The following GPC3 variants were observed in gnomAD, a reference collection of about 807,000 sequenced individuals.
GPC3 encodes glypican-3.
In GPC3, 3 loss-of-function variants were observed where a neutral mutation model predicts 34.4. That is an observed-to-expected ratio of 0.09 (90% CI 0.04 to 0.23). The LOEUF is 0.23. Ranked by LOEUF, GPC3 falls within the 10% of genes least tolerant of loss-of-function variation. The pLI is 1.00. For synonymous variants in GPC3, 177 were observed against 174.0 expected (o/e 1.02, Z -0.13); for missense variants, 351 against 445.6 (o/e 0.79, Z 1.91).
At chrX:133,885,215 C>T (rs774419638) in intron 2 of GPC3, among the ~76,000 whole-genome samples, 1 of 112,100 alleles carries the variant, frequency 8.9e-6, no homozygotes, top group African/African-American at 3.2e-5. Flanking sequence ...TAACAATTCA[C>T]TGCAGCACTG....
intron 1 of GPC3, among the ~76,000 whole-genome samples, chrX:133,964,262 G>C (rs1311937102): frequency 1.8e-5 from 2 of 111,812 alleles, no homozygotes; most frequent in Non-Finnish European, 3.8e-5. Flanking sequence ...AAAAAGGAAG[G>C]CTTTTGCTTC....
intron 2 of GPC3, among the ~76,000 whole-genome samples, chrX:133,885,949 G>A (rs1298440554): frequency 9.0e-6 from 1 of 111,189 alleles, no homozygotes; most frequent in Non-Finnish European, 1.9e-5. Flanking sequence ...ATGTACTGAA[G>A]AGAAGAAAAA....
rs1048734112 is a variant in GPC3 at position 133,607,654 on chromosome X, A to T, written c.1414-11055T>A. Among the ~76,000 whole-genome samples the T allele has an allele frequency of 9.2e-4, 103 of 112,326 alleles. 5 individuals carry two copies. Among genetic ancestry groups the T allele is most frequent in the Non-Finnish European group, 1.9e-4 (10 of 53,261 alleles). On this transcript the variant is annotated intron_variant, in intron 6 of 7. Coordinates refer to ENST00000370818, the MANE Select transcript of GPC3 (RefSeq NM_004484.4). ...TGTTTTCCTGGTATGGTAATAGCTG[A>T]TTCCTGCCAGGGAGCCCTGATTCCA...
intron 3 of GPC3, among the ~76,000 whole-genome samples, chrX:133,744,036 G>A (rs960460860): frequency 1.8e-5 from 2 of 111,878 alleles, no homozygotes; most frequent in East Asian, 2.8e-4. Flanking sequence ...AGACTTAAAC[G>A]TAAAACCTAA....
intron 6 of GPC3, among the ~76,000 whole-genome samples, chrX:133,641,609 AG>A (rs1289446920): frequency 9.0e-6 from 1 of 111,691 alleles, no homozygotes; most frequent in Non-Finnish European, 1.9e-5. Context: ...ACACAGGAAA[AG>A]ATGGACAAAC....
At chrX:133,566,185 A>G (rs1326941918) in intron 7 of GPC3, among the ~76,000 whole-genome samples, 1 of 112,214 alleles carries the variant, frequency 8.9e-6, no homozygotes, top group Non-Finnish European at 1.9e-5. Flanking sequence ...CCAACATGAT[A>G]TCACCATAAT....
At chrX:133,978,924 G>T (rs1259238843) in intron 1 of GPC3, among the ~76,000 whole-genome samples, 3 of 111,900 alleles carry the variant, frequency 2.7e-5, no homozygotes, top group Non-Finnish European at 5.6e-5. Context: ...GTTGCAAAAG[G>T]CAGACAAAAA....
At chrX:133,910,377 T>C (rs1301527234) in intron 2 of GPC3, among the ~76,000 whole-genome samples, 1 of 111,466 alleles carries the variant, frequency 9.0e-6, no homozygotes, top group East Asian at 2.8e-4. Context: ...AATATAAGCA[T>C]GTCAAAACAT....
chrX:133,833,121 G>GT (rs1288607746), intron 2 of GPC3, among the ~76,000 whole-genome samples: 3 of 112,116 alleles, frequency 2.7e-5, no homozygotes, highest in East Asian at 2.8e-4. Context: ...AGCCAGATAT[G>GT]TTTTTTCAGG....
At chrX:133,984,414 A>T (rs1249726460) in intron 1 of GPC3, among the ~76,000 whole-genome samples, 1 of 112,679 alleles carries the variant, frequency 8.9e-6, no homozygotes, top group Admixed American at 9.3e-5. Flanking sequence ...ATTAATATTC[A>T]TCTGTTGACA....
intron 2 of GPC3, among the ~76,000 whole-genome samples, chrX:133,906,931 T>C (rs2124603710): frequency 9.1e-6 from 1 of 110,316 alleles, no homozygotes; most frequent in East Asian, 2.8e-4. Context: ...AAACCCCATC[T>C]CTACTAAAAA....
At chrX:133,868,281 C>T (rs2075977689) in intron 2 of GPC3, among the ~76,000 whole-genome samples, 2 of 112,139 alleles carry the variant, frequency 1.8e-5, no homozygotes, top group Admixed American at 1.9e-4. Context: ...CTGCATGCTC[C>T]CCCTCCTGTC....
intron 2 of GPC3, among the ~76,000 whole-genome samples, chrX:133,866,406 C>A (rs2075967634): frequency 1.8e-5 from 2 of 111,771 alleles, no homozygotes; most frequent in African/African-American, 6.5e-5. Flanking sequence ...GTGACCCTGG[C>A]AGTACATAAT....
At chrX:133,726,701 T>C (rs913716576) in intron 3 of GPC3, among the ~76,000 whole-genome samples, 1 of 111,117 alleles carries the variant, frequency 9.0e-6, no homozygotes, top group African/African-American at 3.3e-5. Context: ...GGTTCACAAA[T>C]CTTTCTGTTG....
At chrX:133,671,016 C>T (rs1021193570) in intron 5 of GPC3, 28 of 540,135 alleles carry the variant, frequency 5.2e-5, no homozygotes, top group Non-Finnish European at 9.0e-5. Context: ...CATGACCAAC[C>T]GACTACTTCA....
At chrX:133,850,998 G>A (rs1009793056) in intron 2 of GPC3, among the ~76,000 whole-genome samples, 2 of 110,831 alleles carry the variant, frequency 1.8e-5, no homozygotes, top group Non-Finnish European at 3.8e-5. Flanking sequence ...CAGCTACTCG[G>A]GAGGCTGAGG....
At chrX:133,905,057 C>A (rs748393426) in intron 2 of GPC3, among the ~76,000 whole-genome samples, 2 of 111,949 alleles carry the variant, frequency 1.8e-5, no homozygotes, top group South Asian at 7.6e-4. Context: ...AGTCTCCCCT[C>A]ACCAAGCACC....
rs142811224 is a variant in GPC3, at chrX:133,982,841, T to C, written c.175+2434A>G. Among the ~76,000 whole-genome samples the C allele has an allele frequency of 3.6e-3, 401 of 112,182 alleles. 4 individuals carry two copies. The highest frequency in any genetic ancestry group is 0.028 in the Middle Eastern group (6 of 218). ...ATGATGGTTCATAACTACCAAATAA[T>C]TTTCAGCTCTCTTTCAATTTCCAAC... On this transcript the variant is annotated intron_variant, in intron 1 of 7. Coordinates refer to ENST00000370818, the MANE Select transcript of GPC3 (RefSeq NM_004484.4).
chrX:133,884,309 C>A (rs1254310906), intron 2 of GPC3, among the ~76,000 whole-genome samples: 2 of 111,810 alleles, frequency 1.8e-5, no homozygotes, highest in Non-Finnish European at 1.9e-5. Flanking sequence ...GTCGTCTCTA[C>A]TTCCAGAGTC....
Sources: allele counts gnomAD v4.1 joint callset (sites outside exome capture counted in the v4.1 genomes callset), GRCh38; gene constraint gnomAD v4.1.1; transcripts MANE v1.5; gene names NCBI Gene and HGNC (gene_info 2026-07-23, HGNC 2026-07-21).